The following ZFYVE28 variants were observed in gnomAD, a reference collection of about 807,000 sequenced individuals.
ZFYVE28 encodes the protein lateral signaling target protein 2 homolog.
A neutral mutation model predicts 82.1 loss-of-function variants in ZFYVE28; 40 were observed. The ratio of observed to expected loss-of-function variants is 0.49; its 90% CI spans 0.38 to 0.63. The LOEUF is 0.63. Ranked by LOEUF, ZFYVE28 falls within the 30% of genes least tolerant of loss-of-function variation. ZFYVE28 has a pLI of 0.00. For missense variants in ZFYVE28, 1,321 were observed against 1,242.1 expected (o/e 1.06, Z -0.96); for synonymous variants, 612 against 546.1 (o/e 1.12, Z -1.68).
At chr4:2,353,826 C>T (rs1046932611) in intron 2 of ZFYVE28, 107 bp downstream of exon 2, 9 of 1,259,278 alleles carry the variant, frequency 7.1e-6, no homozygotes, top group South Asian at 5.2e-5. Flanking sequence ...ACCCTGACAA[C>T]GCCACCACAG....
chr4:2,392,153 C>CAA (rs778576253), intron 1 of ZFYVE28, among the ~76,000 whole-genome samples: 1 of 128,956 alleles, frequency 7.8e-6, no homozygotes, highest in African/African-American at 2.9e-5. Flanking sequence ...GACTCCATCC[C>CAA]AAAAAAAAAA....
intron 7 of ZFYVE28, among the ~76,000 whole-genome samples, chr4:2,309,491 C>T (rs1717181035): frequency 6.6e-6 from 1 of 152,164 alleles, no homozygotes; most frequent in Non-Finnish European, 1.5e-5. Flanking sequence ...GATGTTTCAC[C>T]TAGTGACCTT....
At chr4:2,310,112 C>G (rs1177383569) in intron 7 of ZFYVE28, among the ~76,000 whole-genome samples, 1 of 152,004 alleles carries the variant, frequency 6.6e-6, no homozygotes, top group Non-Finnish European at 1.5e-5. Flanking sequence ...GATCACAGCT[C>G]ACTGCAGCCT....
intron 8 of ZFYVE28, among the ~76,000 whole-genome samples, chr4:2,290,972 A>T (rs574333014): frequency 1.3e-5 from 2 of 152,348 alleles, no homozygotes; most frequent in African/African-American, 4.8e-5. Flanking sequence ...CTTCGTAATT[A>T]CATAAGCAAT....
At chr4:2,387,148 G>A (rs3135097) in intron 1 of ZFYVE28, among the ~76,000 whole-genome samples, 96,188 of 152,028 alleles carry the variant, frequency 0.63, 31,110 homozygotes, top group Admixed American at 0.73. Context: ...CCTGCAGGAG[G>A]AGGCTGGCCC....
Position 2,304,677 on chromosome 4 carries a change from C to T in ZFYVE28, c.1663G>A (p.Gly555Arg), listed in dbSNP as rs762982143. The change falls in exon 8 of 13, where the codon GGG becomes AGG. Residue 555 changes from glycine (G) to arginine (R), a missense_variant. By Grantham distance (125) the Gly-to-Arg change is moderately radical. Transcript: ENST00000290974. Reference protein sequence around the residue: ...MDGGPHKLSTGATNCLLHSCV... With the variant: ...MDGGPHKLSTRATNCLLHSCV... ...GAATGCAGAAGGCAGTTGGTGGCCC[C>T]AGTGCTAAGCTTGTGGGGGCCGCCA... 7 of 1,612,622 alleles carry T rather than the reference C, an allele frequency of 4.3e-6. No individual in the cohort carries two copies. The highest frequency in any genetic ancestry group is 1.1e-5 in the South Asian group (1 of 91,068).
intron 6 of ZFYVE28, chr4:2,330,543 T>C (rs1720509466): frequency 1.8e-6 from 2 of 1,129,546 alleles, no homozygotes; most frequent in African/African-American, 1.8e-5. Context: ...AGGGACAGCA[T>C]GGAGGAGGGG....
At chr4:2,302,875 C>G (rs956333224) in intron 8 of ZFYVE28, among the ~76,000 whole-genome samples, 15 of 152,248 alleles carry the variant, frequency 9.9e-5, no homozygotes, top group Non-Finnish European at 1.5e-5. Flanking sequence ...TCACACACCA[C>G]AGATGTTTCT....
rs1285577472 is a variant in ZFYVE28, at chr4:2,335,721, T to A, written c.685A>T (p.Arg229Trp). 6.3e-7 allele frequency: 1 copy of A among 1,575,954 alleles called. No individual in the cohort carries two copies. Among genetic ancestry groups the A allele is most frequent in the Non-Finnish European group, 8.6e-7 (1 of 1,160,740 alleles). The change falls in exon 6 of 13, where the codon AGG becomes TGG. Residue 229 changes from arginine to tryptophan, a missense_variant. Arg to Trp is a moderately radical substitution (Grantham distance 101). Transcript: ENST00000290974. This position sits in a 1 kb window ranked among gnomAD's most constrained non-coding sequence, Gnocchi z 5.8. ...GGCACTCACCACACGATGGCCAGCC[T>A]GGGGATGCTGAACATGAGGGCCGGC... is the stretch of plus-strand genomic sequence containing the variant. The part of the protein sequence containing the change: ...YEPALMFSIP[R>W]LAIVCGLVVY...
chr4:2,303,382 C>T (rs914912324), intron 8 of ZFYVE28, among the ~76,000 whole-genome samples: 2 of 152,316 alleles, frequency 1.3e-5, no homozygotes, highest in South Asian at 2.1e-4. Flanking sequence ...CTGTGCCCCC[C>T]ACCTTCATCC....
At position 2,417,222 on chromosome 4, in the gene ZFYVE28, C is replaced by T. The variant is rs1005387523; in HGVS notation, c.39+1063G>A. On this transcript the variant is annotated intron_variant, in intron 1 of 12. Coordinates refer to ENST00000290974, the MANE Select transcript of ZFYVE28 (RefSeq NM_020972.3). The surrounding 1 kb of genome is among the most constrained non-coding windows in gnomAD (Gnocchi z 4.8). ...TGACCCCACCCGAGCCGTGACCTCC[C>T]CCAAGATCTCAGGGCCCGGGCCTCC... is the stretch of plus-strand genomic sequence containing the variant. Among the ~76,000 whole-genome samples the T allele has an allele frequency of 1.3e-5, 2 of 152,162 alleles. No individual in the cohort carries two copies. The highest frequency in any genetic ancestry group is 4.8e-5 in the African/African-American group (2 of 41,452).
intron 1 of ZFYVE28, among the ~76,000 whole-genome samples, chr4:2,405,510 C>T (rs1202446431): frequency 6.6e-6 from 1 of 152,264 alleles, no homozygotes; most frequent in East Asian, 1.9e-4. Flanking sequence ...CAGTGCCCCG[C>T]TCCCACTGCA....
At position 2,270,814 on chromosome 4, in the gene ZFYVE28, G is replaced by A. The variant is rs750512740; in HGVS notation, c.2575C>T (p.Arg859Cys). The A allele has an allele frequency of 1.2e-5, 19 of 1,613,052 alleles. No homozygotes were observed. The highest frequency in any genetic ancestry group is 6.7e-5 in the Admixed American group (4 of 60,024). ...CGGACCGGCTTCACCTGCCCGTAGC[G>A]GGGCAGCGGTGCTGAGTGCGAGGAG... ...RCSSHSAPLP[R>C]YGQVKPVRVC... Residue 859 changes from arginine to cysteine, a missense_variant, in exon 13 of 13, where the codon CGC becomes TGC. Physicochemically the swap from Arg to Cys is radical, Grantham distance 180. Coordinates refer to ENST00000290974, the MANE Select transcript of ZFYVE28 (RefSeq NM_020972.3).
At chr4:2,281,963 G>T (rs1229940808) in intron 8 of ZFYVE28, among the ~76,000 whole-genome samples, 1 of 152,208 alleles carries the variant, frequency 6.6e-6, no homozygotes, top group Non-Finnish European at 1.5e-5. Flanking sequence ...GAACAGTACG[G>T]GTGAGATACA....
chr4:2,321,103 C>G (rs569143254), intron 6 of ZFYVE28, among the ~76,000 whole-genome samples: 7 of 152,120 alleles, frequency 4.6e-5, no homozygotes, highest in African/African-American at 1.7e-4. Context: ...TCTCTTGGGA[C>G]CAGACCATGT....
At chr4:2,331,610 C>T (rs527646760) in intron 6 of ZFYVE28, among the ~76,000 whole-genome samples, 16 of 152,320 alleles carry the variant, frequency 1.1e-4, no homozygotes, top group Admixed American at 6.5e-4. Context: ...CCCCAGGACG[C>T]GTGTCTCAAT....
At chr4:2,365,730 C>T (rs1453138563) in intron 1 of ZFYVE28, among the ~76,000 whole-genome samples, 2 of 152,184 alleles carry the variant, frequency 1.3e-5, no homozygotes, top group Admixed American at 1.3e-4. Context: ...TCTCCCAGGC[C>T]CTCCAGCTCG....
intron 8 of ZFYVE28, chr4:2,286,854 G>C (rs1278136945): frequency 6.6e-6 from 1 of 152,224 alleles, no homozygotes; most frequent in Non-Finnish European, 1.5e-5. Flanking sequence ...CCCAAAATGT[G>C]AATCTGCGAC....
At chr4:2,304,220 G>A (rs945840560) in intron 8 of ZFYVE28, 69 bp downstream of exon 8, 1 of 1,492,534 alleles carries the variant, frequency 6.7e-7, no homozygotes, top group Non-Finnish European at 8.9e-7. Flanking sequence ...AATGCTTGGA[G>A]AATGCGCCAG....
Sources: gnomAD v4.1 joint callset for allele counts (sites outside exome capture counted in the v4.1 genomes callset) on GRCh38, gnomAD v4.1.1 for gene constraint, Gnocchi (gnomAD v3.1) non-coding constraint, MANE v1.5 for transcripts, NCBI Gene and HGNC (gene_info 2026-07-23, HGNC 2026-07-21) for gene names.